CUL1: variants seen among roughly 807,000 people sequenced by gnomAD.
CUL1 encodes cullin 1, also known as cullin-1.
Under a neutral mutation model 118.0 loss-of-function variants are expected in CUL1, and 24 were observed. The ratio of observed to expected loss-of-function variants is 0.20; its 90% confidence interval spans 0.15 to 0.29. The LOEUF (loss-of-function observed/expected upper bound fraction) is 0.29. Ranked by LOEUF, CUL1 falls within the 10% of genes least tolerant of loss-of-function variation. The pLI is 1.00. For missense variants in CUL1, 361 were observed against 933.8 expected (o/e 0.39, Z 7.99); for synonymous variants, 332 against 340.4 (o/e 0.98, Z 0.27).
intron 11 of CUL1, among the ~76,000 whole-genome samples, chr7:148,785,523 ATT>A (rs1403951748): frequency 3.2e-4 from 43 of 132,892 alleles, no homozygotes; most frequent in Non-Finnish European, 2.5e-4. Flanking sequence ...CACCCGGCTA[ATT>A]TTTTTTTTTT....
chr7:148,799,251 C>A lies in CUL1; in HGVS notation c.2137-24C>A, dbSNP rs199996920. 2.1e-5 allele frequency: 33 copies of A among 1,581,262 alleles called. No homozygotes were observed. In the Admixed American group the frequency reaches 4.0e-4, roughly 19 times the overall value. On this transcript the variant is annotated intron_variant, in intron 20 of 21. Transcript: ENST00000325222. ...CGTTGTTACAGCTCTAAATGCACTT[C>A]TTTTTCCTTATCTTGTTGCATAGGC... is the stretch of plus-strand genomic sequence containing the variant.
intron 1 of CUL1, among the ~76,000 whole-genome samples, chr7:148,705,238 GTTTCT>G (rs1413955177): frequency 6.6e-6 from 1 of 152,090 alleles, no homozygotes; most frequent in Non-Finnish European, 1.5e-5. Flanking sequence ...CAGTGTGGAA[GTTTCT>G]TTTTTTTAGT....
chr7:148,732,254 C>G (rs932739562), intron 2 of CUL1, among the ~76,000 whole-genome samples: 1 of 151,862 alleles, frequency 6.6e-6, no homozygotes, highest in East Asian at 1.9e-4. Flanking sequence ...CTCCAGAGCT[C>G]AAGGAGGTGT....
chr7:148,740,109 A>T (rs550312804), intron 2 of CUL1, among the ~76,000 whole-genome samples: 1 of 151,570 alleles, frequency 6.6e-6, no homozygotes, highest in Admixed American at 6.6e-5. Flanking sequence ...CCGGAGTGCA[A>T]TGGCGCAACC....
At chr7:148,744,014 T>A (rs1799228817) in intron 2 of CUL1, among the ~76,000 whole-genome samples, 1 of 152,222 alleles carries the variant, frequency 6.6e-6, no homozygotes, top group Non-Finnish European at 1.5e-5. Context: ...TATTATGAAA[T>A]GTGTCCCTTT....
In CUL1 at chr7:148,757,149, C is replaced by G. The variant is rs760900206; in HGVS notation, c.482C>G (p.Ser161Trp). 1 of 1,494,260 alleles carries G rather than the reference C, an allele frequency of 6.7e-7. No individual in the cohort carries two copies. The highest frequency in any genetic ancestry group is 8.9e-7 in the Non-Finnish European group (1 of 1,118,532). 92.6% of individuals were successfully genotyped at this position (1,494,260 alleles called of 1,614,324 possible). Reference protein sequence around the residue: ...EGRKGIYEIYSLALVTWRDCL... With the variant: ...EGRKGIYEIYWLALVTWRDCL... The stretch of plus-strand genomic sequence containing the variant: ...CGAAAAGGAATATATGAAATCTATT[C>G]GGTAAGAGTTTTGTTTTAAAACGTT... The change falls in exon 4 of 22, where the codon TCG (serine) becomes TGG (tryptophan). Residue 161 changes from serine (S) to tryptophan (W), a missense_variant and splice_region_variant. Around this residue, in one of 7 missense-constraint regions of CUL1, gnomAD observed 169 missense variants for 429.7 expected, o/e 0.39. Coordinates refer to ENST00000325222, the MANE Select transcript of CUL1 (RefSeq NM_003592.3).
At chr7:148,759,397 CTT>C (rs773560326) in intron 5 of CUL1, 43 bp downstream of exon 5, 23 of 1,602,298 alleles carry the variant, frequency 1.4e-5, no homozygotes, top group Non-Finnish European at 2.0e-5. Context: ...TTTAAAATCC[CTT>C]CGCAGTTTCG....
In CUL1 at chr7:148,787,654, C is replaced by T. The variant is rs1800861407; in HGVS notation, c.1479+534C>T. On this transcript the variant is annotated intron_variant, in intron 13 of 21. Transcript: ENST00000325222. This position sits in a 1 kb window ranked among gnomAD's most constrained non-coding sequence, Gnocchi z 5.5. ...CTGTGGGGCTTCCATCCTACCCAGG[C>T]CTGGCTGGGCTCAGCTCACCATCTG... 6.6e-6 allele frequency among the ~76,000 whole-genome samples: 1 copy of T among 152,106 alleles called. No individual in the cohort carries two copies. Among genetic ancestry groups the T allele is most frequent in the African/African-American group, 2.4e-5 (1 of 41,422 alleles).
intron 16 of CUL1, 127 bp from the exon 17 acceptor site, chr7:148,792,598 CT>C: frequency 1.0e-5 from 6 of 579,622 alleles, no homozygotes; most frequent in East Asian, 3.0e-5. Context: ...TAGATCTGTG[CT>C]TTTTTTGTAC....
intron 11 of CUL1, among the ~76,000 whole-genome samples, chr7:148,784,908 A>G (rs1385407432): frequency 6.6e-6 from 1 of 152,222 alleles, no homozygotes; most frequent in Non-Finnish European, 1.5e-5. Flanking sequence ...ATCTTAAGTA[A>G]AATATTAACA....
intron 2 of CUL1, among the ~76,000 whole-genome samples, chr7:148,746,786 C>T (rs1488938538): frequency 2.0e-5 from 3 of 152,166 alleles, no homozygotes; most frequent in Non-Finnish European, 4.4e-5. Flanking sequence ...TAGTTGGCAG[C>T]ATTTTCTTTT....
At position 148,787,033 on chromosome 7, in the gene CUL1, G is replaced by T. The variant is rs1007180929; in HGVS notation, c.1392G>T (p.Lys464Asn). The change falls in exon 13 of 22, where the codon AAG becomes AAT. Residue 464 changes from lysine (K) to asparagine (N), a missense_variant. This residue lies in a region of CUL1 where 169 missense variants were observed against 429.7 expected (regional missense o/e 0.39). Transcript: ENST00000325222. This position sits in a 1 kb window ranked among gnomAD's most constrained non-coding sequence, Gnocchi z 5.5. ...KYIEDKDVFQ[K>N]FYAKMLAKRL... ...TAGAAGACAAAGACGTATTTCAGAAGTTCTATGCGAAGATGCTCGCCAAGA... is the reference window on the plus strand; with the variant it reads ...TAGAAGACAAAGACGTATTTCAGAATTTCTATGCGAAGATGCTCGCCAAGA... The T allele has an allele frequency of 6.2e-7, 1 of 1,613,280 alleles. No individual in the cohort carries two copies. The highest frequency in any genetic ancestry group is 1.3e-5 in the African/African-American group (1 of 74,882).
chr7:148,777,753 A>G (rs976357848), intron 9 of CUL1, among the ~76,000 whole-genome samples: 1 of 151,928 alleles, frequency 6.6e-6, no homozygotes, highest in Non-Finnish European at 1.5e-5. Flanking sequence ...ATTGTTTAAC[A>G]TTGCCAGGAC....
intron 1 of CUL1, among the ~76,000 whole-genome samples, chr7:148,704,602 A>G: frequency 6.6e-6 from 1 of 152,236 alleles, no homozygotes; most frequent in East Asian, 1.9e-4. Flanking sequence ...TTCAGCATTT[A>G]GATCAATCTT....
At chr7:148,788,789 T>G in intron 14 of CUL1, 115 bp downstream of exon 14, 1 of 732,888 alleles carries the variant, frequency 1.4e-6, no homozygotes, top group Admixed American at 2.3e-5. Context: ...ATTCAAGAAC[T>G]AAGAAGCGGG....
In CUL1 at chr7:148,757,126, A is replaced by T. The variant is rs1388998804; in HGVS notation, c.459A>T (p.Arg153=). 3.2e-6 allele frequency: 5 copies of T among 1,576,164 alleles called. No individual in the cohort carries two copies. Among genetic ancestry groups the T allele is most frequent in the East Asian group, 2.3e-5 (1 of 43,420 alleles). Residue 153 remains arginine (R), a synonymous_variant, in exon 4 of 22, where the codon CGA becomes CGT. Coordinates refer to ENST00000325222, the MANE Select transcript of CUL1 (RefSeq NM_003592.3). ...TTCGCCGTGAATGTGACGAAGGACG[A>T]AAAGGAATATATGAAATCTATTCGG... ...HWVRRECDEG[R]KGIYEIYSLA... is the part of the protein sequence containing the mutation.
chr7:148,782,224 C>T (rs896172034), intron 9 of CUL1, among the ~76,000 whole-genome samples: 3 of 152,108 alleles, frequency 2.0e-5, no homozygotes, highest in Non-Finnish European at 2.9e-5. Flanking sequence ...AGTGACAAAA[C>T]CACAATTAGG....
At chr7:148,706,729 C>G (rs1797897545) in intron 1 of CUL1, among the ~76,000 whole-genome samples, 1 of 152,066 alleles carries the variant, frequency 6.6e-6, no homozygotes, top group East Asian at 1.9e-4. Context: ...TTAGCTGGGG[C>G]TTTACAGGTG....
intron 16 of CUL1, among the ~76,000 whole-genome samples, chr7:148,791,656 G>A (rs1036245721): frequency 2.0e-5 from 3 of 152,232 alleles, no homozygotes; most frequent in African/African-American, 4.8e-5. Flanking sequence ...TCTGTTCAAG[G>A]CCCTGGAAGC....
Sources: allele counts gnomAD v4.1 joint callset (sites outside exome capture counted in the v4.1 genomes callset), GRCh38; gene constraint gnomAD v4.1.1; regional missense constraint gnomAD v4.1.1; non-coding constraint Gnocchi (gnomAD v3.1); transcripts MANE v1.5; gene names NCBI Gene and HGNC (gene_info 2026-07-23, HGNC 2026-07-21).